The following OR51B5 variants were observed in gnomAD, a reference collection of about 807,000 sequenced individuals.
OR51B5 encodes the protein olfactory receptor 51B5.
For synonymous variants in OR51B5, 186 were observed against 144.8 expected (o/e 1.28, Z -2.04); for missense variants, 456 against 374.6 (o/e 1.22, Z -1.79).
At chr11:5,404,809 A>T (rs1850035596) in intron 1 of OR51B5, among the ~76,000 whole-genome samples, 1 of 152,206 alleles carries the variant, frequency 6.6e-6, no homozygotes, top group African/African-American at 2.4e-5. Context: ...ACACCTGCAG[A>T]TGCACCATCT....
chr11:5,496,371 C>T (rs547385467), intron 1 of OR51B5, among the ~76,000 whole-genome samples: 10 of 1,350 alleles, frequency 7.4e-3, no homozygotes, highest in African/African-American at 0.016. Context: ...AACAAAAATG[C>T]GATCATTCCA....
intron 1 of OR51B5, among the ~76,000 whole-genome samples, chr11:5,447,332 A>C (rs4243960): frequency 0.17 from 26,047 of 152,028 alleles, 2,737 homozygotes; most frequent in East Asian, 0.38. Context: ...CCTCAGACAG[A>C]GTCTCTAGTG....
At chr11:5,365,469 A>T (rs1011666247) in intron 1 of OR51B5, among the ~76,000 whole-genome samples, 8 of 151,798 alleles carry the variant, frequency 5.3e-5, no homozygotes, top group African/African-American at 1.9e-4. Context: ...AGGTAACCCA[A>T]TTCTGGTCTG....
exon 1 of OR51B5, chr11:5,343,467 C>T: frequency 6.5e-7 from 1 of 1,549,038 alleles, no homozygotes; most frequent in South Asian, 1.1e-5. Flanking sequence ...TGATGAGCTT[C>T]CTCCAAGCCT....
rs922356454 is a variant in OR51B5, at chr11:5,440,813, T to A, written n.84+64756A>T. On this transcript the variant is annotated intron_variant and non_coding_transcript_variant, in intron 1 of 4. Transcript: ENST00000415970. ...AGGTGTTGAGTGCCTTGAGCCGCTG[T>A]TCCTGGGATATGATGACCAGCATGG... The A allele has an allele frequency of 2.6e-5, 42 of 1,613,918 alleles. No individual in the cohort carries two copies. The highest frequency in any genetic ancestry group is 3.6e-5 in the Non-Finnish European group (42 of 1,179,936).
At chr11:5,403,655 C>T (rs1589977419) in intron 1 of OR51B5, 3 of 379,106 alleles carry the variant, frequency 7.9e-6, no homozygotes, top group South Asian at 2.0e-5. Context: ...TAAAACATGG[C>T]GTCTAACAGG....
chr11:5,372,912 T>C (rs1287152749), intron 1 of OR51B5, among the ~76,000 whole-genome samples: 1 of 152,206 alleles, frequency 6.6e-6, no homozygotes, highest in African/African-American at 2.4e-5. Flanking sequence ...CACGTTCTGA[T>C]TTCAAATTAT....
At chr11:5,432,942 G>A (rs1258625541) in intron 1 of OR51B5, among the ~76,000 whole-genome samples, 2 of 152,128 alleles carry the variant, frequency 1.3e-5, no homozygotes, top group East Asian at 1.9e-4. Context: ...AGAACCCCTA[G>A]TAAAGATCAT....
intron 1 of OR51B5, among the ~76,000 whole-genome samples, chr11:5,352,989 G>A (rs1277086741): frequency 6.6e-6 from 1 of 150,584 alleles, no homozygotes; most frequent in Non-Finnish European, 1.5e-5. Flanking sequence ...CTCTCCATAT[G>A]GCTTGCATAT....
intron 1 of OR51B5, among the ~76,000 whole-genome samples, chr11:5,427,364 G>A (rs1214327435): frequency 9.4e-6 from 1 of 106,192 alleles, no homozygotes; most frequent in Non-Finnish European, 2.0e-5. Context: ...AGTTAGGTAA[G>A]TGAAGTGAAT....
chr11:5,410,990 G>A (rs1440778205), intron 1 of OR51B5, among the ~76,000 whole-genome samples: 2 of 152,100 alleles, frequency 1.3e-5, no homozygotes, highest in African/African-American at 2.4e-5. Flanking sequence ...AAGTAGAAAA[G>A]ATACAGTAAG....
At chr11:5,465,285 T>C (rs568507725) in intron 1 of OR51B5, among the ~76,000 whole-genome samples, 1 of 150,944 alleles carries the variant, frequency 6.6e-6, no homozygotes, top group Admixed American at 6.6e-5. Flanking sequence ...GACTTTTTAA[T>C]GATTGCCATT....
intron 1 of OR51B5, chr11:5,455,931 A>G (rs892216775): frequency 4.6e-5 from 7 of 152,340 alleles, no homozygotes; most frequent in African/African-American, 7.2e-5. Context: ...ATGATTTCCA[A>G]TGGAAAATTA....
At chr11:5,390,544 T>A (rs1490150150) in intron 1 of OR51B5, 8 of 602,300 alleles carry the variant, frequency 1.3e-5, no homozygotes, top group Non-Finnish European at 2.0e-5. Context: ...AAAACTGAAC[T>A]TCTCTTGCTT....
intron 1 of OR51B5, among the ~76,000 whole-genome samples, chr11:5,378,731 T>G (rs1849566213): frequency 6.6e-6 from 1 of 152,060 alleles, no homozygotes; most frequent in Non-Finnish European, 1.5e-5. Context: ...TCACTGGCCA[T>G]CAGAGAAATG....
chr11:5,362,787 G>T, intron 1 of OR51B5: 1 of 224,928 alleles, frequency 4.4e-6, no homozygotes, highest in South Asian at 1.0e-4. Context: ...CTCCTTGGTG[G>T]CCTCACTCTT....
chr11:5,344,946 T>G (rs1848967656), upstream of OR51B5, among the ~76,000 whole-genome samples: 1 of 152,134 alleles, frequency 6.6e-6, no homozygotes, highest in Non-Finnish European at 1.5e-5. Context: ...GAGGTCCCAT[T>G]TGAACTGAGA....
At chr11:5,488,162 G>A (rs995947041) in intron 1 of OR51B5, among the ~76,000 whole-genome samples, 1 of 152,100 alleles carries the variant, frequency 6.6e-6, no homozygotes, top group Non-Finnish European at 1.5e-5. Flanking sequence ...GTTGCATAAA[G>A]ACATAGTTCT....
At chr11:5,394,460 C>A (rs972424143) in intron 1 of OR51B5, among the ~76,000 whole-genome samples, 2 of 152,174 alleles carry the variant, frequency 1.3e-5, no homozygotes, top group African/African-American at 2.4e-5. Context: ...TGCTTTAAAT[C>A]ATCTGGCCCA....
Sources: allele counts gnomAD v4.1 joint callset (sites outside exome capture counted in the v4.1 genomes callset), GRCh38; gene constraint gnomAD v4.1.1; transcripts MANE v1.5; gene names NCBI Gene and HGNC (gene_info 2026-07-23, HGNC 2026-07-21).